Variants in TCTN2 observed in about 807,000 individuals in gnomAD.
TCTN2 encodes the protein tectonic family member 2, also known as tectonic-2.
TCTN2 carries 66 observed loss-of-function variants against 83.4 expected under a neutral mutation model. The ratio of observed to expected loss-of-function variants is 0.79; its 90% CI spans 0.65 to 0.97. The LOEUF is 0.97. Ranked by LOEUF, TCTN2 falls within the 50% of genes least tolerant of loss-of-function variation. The pLI is 0.00. For synonymous variants in TCTN2, 301 were observed against 326.7 expected (o/e 0.92, Z 0.85); for missense variants, 794 against 858.1 (o/e 0.93, Z 0.93).
At chr12:123,681,203 G>A (rs965037954) in intron 5 of TCTN2, among the ~76,000 whole-genome samples, 1 of 148,326 alleles carries the variant, frequency 6.7e-6, no homozygotes, top group African/African-American at 2.5e-5. Context: ...GCTGGAGTGA[G>A]CTATGATCAC....
At position 123,684,826 on chromosome 12, in the gene TCTN2, T is replaced by G. The variant is rs185412608; in HGVS notation, c.565-2010T>G. Among the ~76,000 whole-genome samples the G allele has an allele frequency of 8.1e-3, 1,233 of 151,752 alleles. 12 individuals are homozygous for G. Among genetic ancestry groups the G allele is most frequent in the African/African-American group, 0.028 (1,163 of 41,402 alleles). On this transcript the variant is annotated intron_variant, in intron 5 of 17. Transcript: ENST00000303372. ...CAGCACTTTGGGAGGCCGAGGTGGG[T>G]TGATCATGAGGTCAGGAGATAGAGA...
chr12:123,697,041 T>G, intron 12 of TCTN2, 46 bp from the exon 13 acceptor site: 2 of 1,481,898 alleles, frequency 1.3e-6, no homozygotes, highest in Non-Finnish European at 1.9e-6. Flanking sequence ...AATCTTTACT[T>G]TTGTTTAGCA....
At chr12:123,696,186 TAC>T in intron 11 of TCTN2, 1 of 513,736 alleles carries the variant, frequency 1.9e-6, no homozygotes, top group Non-Finnish European at 3.5e-6. Flanking sequence ...TTTTTTTTTT[TAC>T]ATAGTCTGTT....
chr12:123,676,393 C>T (rs891355045), intron 4 of TCTN2, among the ~76,000 whole-genome samples: 1 of 151,506 alleles, frequency 6.6e-6, no homozygotes, highest in Non-Finnish European at 1.5e-5. Context: ...ACGGTGAAAC[C>T]CCGTCTCTAC....
chr12:123,678,820 C>T (rs1243349241), intron 4 of TCTN2, among the ~76,000 whole-genome samples: 6 of 150,768 alleles, frequency 4.0e-5, no homozygotes, highest in Admixed American at 6.6e-5. Flanking sequence ...TTTTTTGACA[C>T]GGAGTCTCAC....
intron 9 of TCTN2, among the ~76,000 whole-genome samples, chr12:123,694,105 T>G (rs1408991592): frequency 6.6e-6 from 1 of 152,058 alleles, no homozygotes; most frequent in East Asian, 1.9e-4. Context: ...ACGATTCTTC[T>G]GCCTCAGCCT....
chr12:123,700,665 C>T (rs7316011), intron 14 of TCTN2, among the ~76,000 whole-genome samples: 75,825 of 152,108 alleles, frequency 0.5, 20,674 homozygotes, highest in African/African-American at 0.72. Context: ...ACTCCTGACC[C>T]CGTGATCCAC....
chr12:123,686,053 ATTTATTTATTTT>A (rs1955963040), intron 5 of TCTN2, among the ~76,000 whole-genome samples: 1 of 151,186 alleles, frequency 6.6e-6, no homozygotes, highest in Non-Finnish European at 1.5e-5. Context: ...TTATTTATTT[ATTTATTTATTTT>A]GAGACAGAAT....
intron 5 of TCTN2, among the ~76,000 whole-genome samples, chr12:123,685,890 A>AT (rs60954712): frequency 0.031 from 4,355 of 139,182 alleles, 188 homozygotes; most frequent in African/African-American, 0.087. Context: ...TGCCTGGCTA[A>AT]TTTTTTTTTT....
At chr12:123,683,841 G>A (rs1182518923) in intron 5 of TCTN2, among the ~76,000 whole-genome samples, 2 of 152,026 alleles carry the variant, frequency 1.3e-5, no homozygotes, top group Non-Finnish European at 2.9e-5. Context: ...GGGTTTCACC[G>A]TATTAACTAG....
intron 4 of TCTN2, among the ~76,000 whole-genome samples, chr12:123,677,365 T>G (rs1372306301): frequency 6.6e-6 from 1 of 152,244 alleles, no homozygotes; most frequent in Admixed American, 6.5e-5. Flanking sequence ...CTTTAGATAC[T>G]TCAGCTATTG....
intron 9 of TCTN2, among the ~76,000 whole-genome samples, chr12:123,693,464 T>TC (rs1205256752): frequency 8.0e-6 from 1 of 124,862 alleles, no homozygotes; most frequent in African/African-American, 3.2e-5. Flanking sequence ...ATTTTTTTTT[T>TC]TTTTTTGAGA....
chr12:123,681,478 A>G (rs1259008479), intron 5 of TCTN2, among the ~76,000 whole-genome samples: 2 of 152,164 alleles, frequency 1.3e-5, no homozygotes, highest in South Asian at 2.1e-4. Flanking sequence ...TTGCACGTAT[A>G]TGGAATCATG....
At chr12:123,680,703 G>C (rs1412931422) in intron 5 of TCTN2, among the ~76,000 whole-genome samples, 1 of 151,168 alleles carries the variant, frequency 6.6e-6, no homozygotes, top group Non-Finnish European at 1.5e-5. Flanking sequence ...TTTTAGTAGA[G>C]GCGGGGTTTC....
At chr12:123,683,202 G>A (rs995877684) in intron 5 of TCTN2, among the ~76,000 whole-genome samples, 1 of 151,806 alleles carries the variant, frequency 6.6e-6, no homozygotes, top group Non-Finnish European at 1.5e-5. Flanking sequence ...CAGCCTGGGC[G>A]ACAGAGTGAG....
chr12:123,701,466 C>T (rs1470385624), intron 14 of TCTN2, among the ~76,000 whole-genome samples: 2 of 152,140 alleles, frequency 1.3e-5, no homozygotes, highest in East Asian at 1.9e-4. Context: ...CGGCTGGGCA[C>T]GGTGGCTCAT....
rs1466275849 is a variant in TCTN2 at position 123,673,587 on chromosome 12, T to TAAA, written c.268-25_268-23dup. 5.6e-6 allele frequency: 9 copies of TAAA among 1,613,054 alleles called. No individual in the cohort carries two copies. In the East Asian group the frequency reaches 2.0e-4, roughly 36 times the overall value. ...TTATAGACCCTGTTTTGAGTCACTT[T>TAAA]AAAAATACAGCAATGTTTTCCTTTC... On this transcript the variant is annotated intron_variant, in intron 3 of 17. Coordinates refer to ENST00000303372, the MANE Select transcript of TCTN2 (RefSeq NM_024809.5).
chr12:123,691,719 G>GTT (rs1334468340), intron 8 of TCTN2, among the ~76,000 whole-genome samples: 1 of 142,640 alleles, frequency 7.0e-6, no homozygotes, highest in African/African-American at 2.6e-5. Context: ...CCACCAAATT[G>GTT]TTTTTTTTTT....
chr12:123,674,949 C>A (rs1007543848), intron 4 of TCTN2, among the ~76,000 whole-genome samples: 1 of 152,138 alleles, frequency 6.6e-6, no homozygotes, highest in African/African-American at 2.4e-5. Context: ...ACGATCCTGG[C>A]TTGCTGCAGC....
Sources: allele counts gnomAD v4.1 joint callset (sites outside exome capture counted in the v4.1 genomes callset), GRCh38; gene constraint gnomAD v4.1.1; transcripts MANE v1.5; gene names NCBI Gene and HGNC (gene_info 2026-07-23, HGNC 2026-07-21).